Variants in GALNT13 observed in about 807,000 individuals in gnomAD.
The protein encoded by GALNT13 is UDP-GalNAc:polypeptide N-acetylgalactosaminyltransferase 13.
Under a neutral mutation model 64.2 loss-of-function variants are expected in GALNT13, and 28 were observed. The observed-to-expected ratio is 0.44, with a 90% CI of 0.32 to 0.60. The LOEUF (loss-of-function observed/expected upper bound fraction) is 0.60. GALNT13 is among the 20% of genes least tolerant of loss of function. GALNT13 has a pLI of 0.05. For synonymous variants in GALNT13, 214 were observed against 224.6 expected (o/e 0.95, Z 0.42); for missense variants, 577 against 669.8 (o/e 0.86, Z 1.53).
chr2:153,325,777 G>A, the GALNT13 span, among the ~76,000 whole-genome samples: 11 of 152,166 alleles, frequency 7.2e-5, no homozygotes, highest in Non-Finnish European at 1.6e-4. Context: ...TCAGGAGGAG[G>A]TTGTTCAGTT....
chr2:154,251,260 G>A (rs985845149), intron 7 of GALNT13, among the ~76,000 whole-genome samples: 18 of 151,764 alleles, frequency 1.2e-4, no homozygotes, highest in South Asian at 2.1e-4. Flanking sequence ...TTGATCCCTC[G>A]TAAGCATGAA....
the GALNT13 span, among the ~76,000 whole-genome samples, chr2:153,694,512 A>G: frequency 6.6e-6 from 1 of 152,210 alleles, no homozygotes; most frequent in Non-Finnish European, 1.5e-5. Context: ...GGCACAAAAC[A>G]GGACATATGT....
intron 3 of GALNT13, among the ~76,000 whole-genome samples, chr2:153,965,800 C>CA (rs60658571): frequency 0.2 from 28,759 of 146,142 alleles, 3,482 homozygotes; most frequent in African/African-American, 0.33. Flanking sequence ...AAAAAATAAG[C>CA]AAAAAAAAAA....
the GALNT13 span, among the ~76,000 whole-genome samples, chr2:153,590,400 A>C: frequency 6.6e-6 from 1 of 152,116 alleles, no homozygotes. Context: ...AATTCTACCA[A>C]ATATACAAAG....
chr2:153,209,486 T>A, the GALNT13 span, among the ~76,000 whole-genome samples: 2 of 152,194 alleles, frequency 1.3e-5, no homozygotes, highest in Non-Finnish European at 2.9e-5. Context: ...ATCATGTATG[T>A]GTGTGTTTCT....
At chr2:153,425,964 CAT>C in the GALNT13 span, among the ~76,000 whole-genome samples, 5 of 151,766 alleles carry the variant, frequency 3.3e-5, no homozygotes, top group South Asian at 2.1e-4. Flanking sequence ...ATCCAAAAAA[CAT>C]AAAAAACTTC....
the GALNT13 span, among the ~76,000 whole-genome samples, chr2:153,536,497 T>A: frequency 6.6e-6 from 1 of 152,188 alleles, no homozygotes; most frequent in Non-Finnish European, 1.5e-5. Context: ...TTTTACTTGT[T>A]AAGATGAAGT....
At chr2:153,091,970 T>A in the GALNT13 span, among the ~76,000 whole-genome samples, 1 of 152,228 alleles carries the variant, frequency 6.6e-6, no homozygotes, top group Non-Finnish European at 1.5e-5. Context: ...AGTTTTATAG[T>A]TAGCAGTCTT....
chr2:153,965,421 C>T (rs1477730284), intron 3 of GALNT13, among the ~76,000 whole-genome samples: 1 of 151,950 alleles, frequency 6.6e-6, no homozygotes, highest in Non-Finnish European at 1.5e-5. Context: ...TTTTTTAACT[C>T]CCAAATGTGA....
chr2:154,167,292 C>T lies in GALNT13; in HGVS notation c.311+26787C>T, dbSNP rs571994037. On this transcript the variant is annotated intron_variant, in intron 4 of 12. Transcript: ENST00000392825. ...TAGTTGAGCAAAAGTGAAAAGTACA[C>T]AGAAAACACCTTGTATATTAGAAAA... 3.3e-5 allele frequency among the ~76,000 whole-genome samples: 5 copies of T among 152,236 alleles called. No homozygotes were observed. The South Asian group carries it at 6.2e-4, about 19-fold the overall frequency.
the GALNT13 span, among the ~76,000 whole-genome samples, chr2:153,542,679 T>C: frequency 6.6e-6 from 1 of 152,208 alleles, no homozygotes; most frequent in African/African-American, 2.4e-5. Context: ...TGGGGGATTC[T>C]GGCTAAACAA....
At chr2:153,859,922 C>G in the GALNT13 span, among the ~76,000 whole-genome samples, 1 of 152,130 alleles carries the variant, frequency 6.6e-6, no homozygotes, top group South Asian at 2.1e-4. Flanking sequence ...AGGTGTATCA[C>G]AAGTGAAATT....
chr2:153,774,383 A>AT, the GALNT13 span, among the ~76,000 whole-genome samples: 1 of 152,120 alleles, frequency 6.6e-6, no homozygotes, highest in African/African-American at 2.4e-5. Context: ...CAGAAAAATA[A>AT]TAGGAGAAGA....
At chr2:154,137,965 CAAAT>C (rs976652873) in intron 3 of GALNT13, among the ~76,000 whole-genome samples, 4 of 152,028 alleles carry the variant, frequency 2.6e-5, no homozygotes, top group African/African-American at 9.7e-5. Flanking sequence ...TCCCATGATA[CAAAT>C]CCCCCCACCC....
chr2:153,597,678 G>GAAAGTAA, the GALNT13 span, among the ~76,000 whole-genome samples: 3 of 151,920 alleles, frequency 2.0e-5, no homozygotes, highest in African/African-American at 7.2e-5. Context: ...ATACTATCAA[G>GAAAGTAA]AAAGTAAAAA....
chr2:154,196,987 C>T (rs1179006728), intron 4 of GALNT13, among the ~76,000 whole-genome samples: 1 of 152,128 alleles, frequency 6.6e-6, no homozygotes, highest in Non-Finnish European at 1.5e-5. Context: ...TATCTCATTC[C>T]CTAAGTGCCA....
At chr2:154,389,504 A>T (rs2105348574) in intron 9 of GALNT13, among the ~76,000 whole-genome samples, 1 of 152,342 alleles carries the variant, frequency 6.6e-6, no homozygotes, top group African/African-American at 2.4e-5. Flanking sequence ...ATTCTTGTGC[A>T]TGAAATTGTA....
chr2:154,024,211 C>A (rs1055951597), intron 3 of GALNT13, among the ~76,000 whole-genome samples: 15 of 151,992 alleles, frequency 9.9e-5, no homozygotes, highest in Non-Finnish European at 4.4e-5. Flanking sequence ...TTGTGGCATT[C>A]TCTGTATTTC....
the GALNT13 span, among the ~76,000 whole-genome samples, chr2:153,749,913 A>G: frequency 2.0e-5 from 3 of 151,946 alleles, no homozygotes; most frequent in Admixed American, 2.0e-4. Context: ...CCCAGATCTT[A>G]GAGGAAAGAC....
Sources: allele counts gnomAD v4.1 joint callset (sites outside exome capture counted in the v4.1 genomes callset), GRCh38; gene constraint gnomAD v4.1.1; transcripts MANE v1.5; gene names NCBI Gene and HGNC (gene_info 2026-07-23, HGNC 2026-07-21).